Variants in PPP4R3B observed in about 807,000 individuals in gnomAD.
PPP4R3B encodes serine/threonine-protein phosphatase 4 regulatory subunit 3B.
Under a neutral mutation model 95.4 loss-of-function variants are expected in PPP4R3B, and 52 were observed. The ratio of observed to expected loss-of-function variants is 0.54; its 90% CI spans 0.44 to 0.69. The LOEUF (loss-of-function observed/expected upper bound fraction) is 0.69. Among genes scored for constraint, PPP4R3B ranks in the 30% least tolerant of loss-of-function variants. PPP4R3B has a pLI of 0.00. For synonymous variants in PPP4R3B, 407 were observed against 343.9 expected (o/e 1.18, Z -2.03); for missense variants, 1,003 against 1,005.9 (o/e 1.00, Z 0.04).
In PPP4R3B at chr2:55,568,322, C is replaced by T; in HGVS notation, c.1807G>A (p.Glu603Lys). ...TTGGTGATGTAACGATTATAAAATT[C>T]ATCTTTAAGTCCAATTATCCGCCTC... ...FMRRIIGLKD[E>K]FYNRYITKGN... The change falls in exon 13 of 17, where the codon GAA becomes AAA. Residue 603 changes from glutamate (E) to lysine (K), a missense_variant. Transcript: ENST00000616407. 6.2e-7 allele frequency: 1 copy of T among 1,606,764 alleles called. No individual in the cohort carries two copies. Among genetic ancestry groups the T allele is most frequent in the Non-Finnish European group, 8.5e-7 (1 of 1,177,038 alleles).
chr2:55,558,127 G>A (rs892470884), intron 16 of PPP4R3B, among the ~76,000 whole-genome samples: 3 of 152,026 alleles, frequency 2.0e-5, no homozygotes, highest in Admixed American at 6.6e-5. Flanking sequence ...AATTGGCCAC[G>A]CACACTCATA....
intron 2 of PPP4R3B, among the ~76,000 whole-genome samples, chr2:55,606,735 A>G (rs566433643): frequency 1.5e-4 from 22 of 151,366 alleles, no homozygotes; most frequent in African/African-American, 5.3e-4. Context: ...AGGCAGGAGA[A>G]TCGCTTGAAC....
At chr2:55,593,227 T>C (rs1691281999) in intron 4 of PPP4R3B, among the ~76,000 whole-genome samples, 1 of 152,218 alleles carries the variant, frequency 6.6e-6, no homozygotes, top group African/African-American at 2.4e-5. Context: ...ACAGGGGATT[T>C]TGATCTGCAA....
chr2:55,574,517 T>A (rs942044122), intron 11 of PPP4R3B, among the ~76,000 whole-genome samples: 2 of 152,104 alleles, frequency 1.3e-5, no homozygotes, highest in South Asian at 2.1e-4. Flanking sequence ...AGAAAAATTA[T>A]ACGCTTTTAG....
At chr2:55,615,100 G>A in intron 2 of PPP4R3B, 1 of 175,108 alleles carries the variant, frequency 5.7e-6, no homozygotes, top group Non-Finnish European at 1.2e-5. Flanking sequence ...GGCTTTCCTT[G>A]CTTTAAGAGT....
At chr2:55,583,236 T>A (rs1689661048) in intron 7 of PPP4R3B, among the ~76,000 whole-genome samples, 1 of 152,174 alleles carries the variant, frequency 6.6e-6, no homozygotes, top group African/African-American at 2.4e-5. Flanking sequence ...AAGACTTAAT[T>A]TGGATTTTTT....
Position 55,578,247 on chromosome 2 carries a change from C to T in PPP4R3B, c.1564G>A (p.Asp522Asn). 1 of 1,444,034 alleles carries T rather than the reference C, an allele frequency of 6.9e-7. No individual in the cohort carries two copies. Among genetic ancestry groups the T allele is most frequent in the Non-Finnish European group, 9.1e-7 (1 of 1,094,038 alleles). 89.5% of individuals were successfully genotyped at this position (1,444,034 alleles called of 1,614,324 possible). Residue 522 changes from aspartate to asparagine, a missense_variant and splice_region_variant, in exon 10 of 17, where the codon GAT becomes AAT. This residue lies in a region of PPP4R3B where 695 missense variants were observed against 686.2 expected (regional missense o/e 1.01). Transcript: ENST00000616407. ...GTGATACACTCCAAATTCAGCATAC[C>T]TTGAGAGATGGAGGAAGAGGGGGTA... ...HSTPSSSISQ[D>N]NIVGSNKNNT...
At chr2:55,591,614 A>G in intron 4 of PPP4R3B, 1 of 984,400 alleles carries the variant, frequency 1.0e-6, no homozygotes, top group Non-Finnish European at 1.2e-6. Context: ...TCATAAGAAA[A>G]AAGTTCCAAC....
intron 8 of PPP4R3B, 70 bp downstream of exon 8, chr2:55,581,497 C>G: frequency 1.4e-6 from 2 of 1,477,460 alleles, no homozygotes; most frequent in Non-Finnish European, 1.8e-6. Context: ...ACTTGTTTCT[C>G]AAAATCTTAT....
At chr2:55,613,658 G>C (rs1694503461) in intron 2 of PPP4R3B, among the ~76,000 whole-genome samples, 1 of 152,012 alleles carries the variant, frequency 6.6e-6, no homozygotes, top group Non-Finnish European at 1.5e-5. Flanking sequence ...ATAATGTGAT[G>C]TTTCCAAAGT....
intron 2 of PPP4R3B, among the ~76,000 whole-genome samples, chr2:55,606,699 T>G (rs186851789): frequency 6.6e-6 from 1 of 151,844 alleles, no homozygotes; most frequent in Admixed American, 6.6e-5. Flanking sequence ...AGCAGCCACC[T>G]GTAATCCCAA....
At chr2:55,589,729 C>T (rs55691836) in intron 4 of PPP4R3B, among the ~76,000 whole-genome samples, 1 of 151,110 alleles carries the variant, frequency 6.6e-6, no homozygotes, top group Non-Finnish European at 1.5e-5. Flanking sequence ...CCCTGGCTAA[C>T]ATGGTAAAAC....
intron 2 of PPP4R3B, among the ~76,000 whole-genome samples, chr2:55,613,809 TA>T (rs200188103): frequency 0.29 from 40,426 of 141,684 alleles, 7,100 homozygotes; most frequent in African/African-American, 0.5. Flanking sequence ...GGAAATATGG[TA>T]AAAAAAAAAA....
At chr2:55,613,399 A>C (rs1694460292) in intron 2 of PPP4R3B, among the ~76,000 whole-genome samples, 1 of 151,852 alleles carries the variant, frequency 6.6e-6, no homozygotes, top group Non-Finnish European at 1.5e-5. Context: ...ACAAAACCCC[A>C]AATAGTATAT....
intron 16 of PPP4R3B, among the ~76,000 whole-genome samples, chr2:55,551,843 T>C (rs975238849): frequency 6.6e-6 from 1 of 152,236 alleles, no homozygotes; most frequent in Non-Finnish European, 1.5e-5. Flanking sequence ...CAATAAGTGC[T>C]ATTAGCTGCT....
chr2:55,590,546 G>A lies in PPP4R3B; in HGVS notation c.922-1590C>T, dbSNP rs1239053328. Among the ~76,000 whole-genome samples the A allele has an allele frequency of 3.3e-5, 5 of 151,986 alleles. 1 individual carries two copies. The East Asian group carries it at 7.7e-4, about 23-fold the overall frequency. On this transcript the variant is annotated intron_variant, in intron 4 of 16. Transcript: ENST00000616407. ...AATAAGCACAGACTAAATTACAAAGGAAAAAATGGGCAAAAATATTAAAAT... is the reference window on the plus strand; with the variant it reads ...AATAAGCACAGACTAAATTACAAAGAAAAAAATGGGCAAAAATATTAAAAT...
intron 9 of PPP4R3B, among the ~76,000 whole-genome samples, chr2:55,579,463 T>C (rs967629506): frequency 6.6e-6 from 1 of 151,928 alleles, no homozygotes; most frequent in Non-Finnish European, 1.5e-5. Flanking sequence ...CAACAAACTA[T>C]AGAAATGGCC....
intron 3 of PPP4R3B, among the ~76,000 whole-genome samples, chr2:55,600,151 G>A (rs544128222): frequency 6.6e-4 from 101 of 152,184 alleles, no homozygotes; most frequent in African/African-American, 2.3e-3. Flanking sequence ...TCATTATAAG[G>A]GGTGGCGGCT....
chr2:55,559,147 G>C (rs1002617888), intron 15 of PPP4R3B, among the ~76,000 whole-genome samples, 179 bp from the exon 16 acceptor site: 4 of 152,106 alleles, frequency 2.6e-5, no homozygotes, highest in African/African-American at 9.6e-5. Flanking sequence ...CGGAGTTCAA[G>C]ACCAGCCTGA....
Sources: gnomAD v4.1 joint callset for allele counts (sites outside exome capture counted in the v4.1 genomes callset) on GRCh38, gnomAD v4.1.1 for gene constraint, gnomAD v4.1.1 regional missense constraint, MANE v1.5 for transcripts, NCBI Gene and HGNC (gene_info 2026-07-23, HGNC 2026-07-21) for gene names.